RAPGEF2: variants seen among roughly 807,000 people sequenced by gnomAD.
The protein encoded by RAPGEF2 is PDZ domain containing guanine nucleotide exchange factor (GEF) 1.
A neutral mutation model predicts 186.7 loss-of-function variants in RAPGEF2; 54 were observed. The observed-to-expected ratio is 0.29, with a 90% CI of 0.23 to 0.36. The LOEUF is 0.36. Among genes scored for constraint, RAPGEF2 ranks in the 10% least tolerant of loss-of-function variants. The probability of loss-of-function intolerance (pLI) is 1.00; values close to 1 mark genes in which losing one functional copy is unlikely to be tolerated. For missense variants in RAPGEF2, 1,532 were observed against 2,045.0 expected, an observed-to-expected ratio of 0.75 and a Z score of 4.84; for synonymous variants, 712 against 705.9, an observed-to-expected ratio of 1.01 and a Z score of -0.14.
chr4:159,343,892 C>T, intron 22 of RAPGEF2, 144 bp from the exon 23 acceptor site: 2 of 703,048 alleles, frequency 2.8e-6, no homozygotes, highest in Admixed American at 2.7e-5. Flanking sequence ...AGTAAAGTTG[C>T]GTGTGTGAGG....
intron 22 of RAPGEF2, 34 bp downstream of exon 22, chr4:159,343,438 G>A (rs775573550): frequency 2.5e-6 from 4 of 1,599,248 alleles, no homozygotes. Context: ...ACGTGTGAGA[G>A]TAGAGAAGGT....
chr4:159,146,031 T>A (rs946858700), intron 1 of RAPGEF2, among the ~76,000 whole-genome samples: 1 of 151,962 alleles, frequency 6.6e-6, no homozygotes, highest in Non-Finnish European at 1.5e-5. Flanking sequence ...TGTAACAGTA[T>A]CTTTTTTTTT....
rs768381176 is a variant in RAPGEF2 at position 159,356,167 on chromosome 4, A to G, written c.4957+9A>G. 2.5e-5 allele frequency: 40 copies of G among 1,607,674 alleles called. No homozygotes were observed. Among genetic ancestry groups the G allele is most frequent in the Non-Finnish European group, 8.5e-7 (1 of 1,175,028 alleles). Reference sequence around the variant, plus strand: ...TTCCACCGAGGAGGATGGTATATGCACATAAATATTCCTAAAACCTCCAAG... The same window carrying G: ...TTCCACCGAGGAGGATGGTATATGCGCATAAATATTCCTAAAACCTCCAAG... On this transcript the variant is annotated intron_variant, in intron 29 of 29. Transcript: ENST00000691494.
In RAPGEF2 at chr4:159,322,372, G is replaced by T; in HGVS notation, c.879G>T (p.Gln293His). 6.2e-7 allele frequency: 1 copy of T among 1,613,910 alleles called. No individual in the cohort carries two copies. Residue 293 changes from glutamine to histidine, a missense_variant, in exon 10 of 30, where the codon CAG (glutamine) becomes CAT (histidine). This residue lies in a region of RAPGEF2 where 810 missense variants were observed against 1,210.5 expected (regional missense o/e 0.67). Transcript: ENST00000691494. ...AACAACTCTTGGAATTTATGCACCA[G>T]TTGCCTGCTTTTGCCAATATGACAA... ...DIEQLLEFMH[Q>H]LPAFANMTMS... is the part of the protein sequence containing the mutation.
At chr4:159,179,919 T>C (rs1746834713) in intron 1 of RAPGEF2, among the ~76,000 whole-genome samples, 1 of 152,206 alleles carries the variant, frequency 6.6e-6, no homozygotes, top group Admixed American at 6.5e-5. Context: ...ACAGTTCATG[T>C]GCAAGTTTTA....
chr4:159,200,203 C>T (rs1303982039), intron 3 of RAPGEF2, among the ~76,000 whole-genome samples: 1 of 152,190 alleles, frequency 6.6e-6, no homozygotes, highest in Non-Finnish European at 1.5e-5. Flanking sequence ...CACAGTGGCT[C>T]ATGCCTGTAA....
intron 1 of RAPGEF2, among the ~76,000 whole-genome samples, chr4:159,135,875 A>G (rs1284636595): frequency 6.6e-6 from 1 of 152,276 alleles, no homozygotes; most frequent in Non-Finnish European, 1.5e-5. Flanking sequence ...CTGGGATTAC[A>G]GGCGTGAGCC....
At chr4:159,305,647 A>T (rs1282217710) in intron 8 of RAPGEF2, among the ~76,000 whole-genome samples, 1 of 152,012 alleles carries the variant, frequency 6.6e-6, no homozygotes, top group African/African-American at 2.4e-5. Context: ...TCTGTTGATT[A>T]TTTCTTCTAC....
At chr4:159,348,242 A>AGATAGATAGATAGATGGATGGATGGATG (rs544061786) in intron 25 of RAPGEF2, among the ~76,000 whole-genome samples, 28 of 145,068 alleles carry the variant, frequency 1.9e-4, no homozygotes, top group African/African-American at 7.5e-4. Flanking sequence ...ATAGATAGAT[A>AGATAGATAGATAGATGGATGGATGGATG]GATGGATGGA....
intron 1 of RAPGEF2, among the ~76,000 whole-genome samples, chr4:159,117,997 A>G (rs13143315): frequency 0.18 from 27,309 of 151,994 alleles, 2,522 homozygotes; most frequent in Admixed American, 0.24. Flanking sequence ...AATTTTCACC[A>G]TGGGTGGGTA....
intron 7 of RAPGEF2, among the ~76,000 whole-genome samples, chr4:159,255,622 G>A (rs1328461211): frequency 6.6e-6 from 1 of 152,204 alleles, no homozygotes; most frequent in Non-Finnish European, 1.5e-5. Context: ...CTCCCTTGGT[G>A]AAAACTGAAA....
intron 8 of RAPGEF2, among the ~76,000 whole-genome samples, chr4:159,313,945 T>C (rs935286525): frequency 1.3e-5 from 2 of 152,042 alleles, no homozygotes; most frequent in African/African-American, 4.8e-5. Context: ...ACTTAGAAAA[T>C]TTGCAGGTAT....
At chr4:159,345,864 T>C (rs190251168) in intron 24 of RAPGEF2, among the ~76,000 whole-genome samples, 18 of 152,286 alleles carry the variant, frequency 1.2e-4, no homozygotes, top group Admixed American at 5.9e-4. Context: ...TTTTTTTTTT[T>C]CTAAATCTGC....
At chr4:159,322,199 T>TC in intron 9 of RAPGEF2, 148 bp from the exon 10 acceptor site, 4 of 587,966 alleles carry the variant, frequency 6.8e-6, no homozygotes, top group Non-Finnish European at 1.1e-5. Context: ...TGCAAGAAAT[T>TC]CAGCTGGTGC....
chr4:159,281,671 CAAAAAAAAAAAAA>C (rs11346544), intron 7 of RAPGEF2, among the ~76,000 whole-genome samples: 1 of 85,194 alleles, frequency 1.2e-5, no homozygotes, highest in Non-Finnish European at 2.3e-5. Flanking sequence ...AACTTGATTT[CAAAAAAAAAAAAA>C]AAAAAAGAAA....
chr4:159,328,632 G>C (rs187310753), intron 11 of RAPGEF2: 13 of 152,260 alleles, frequency 8.5e-5, no homozygotes, highest in African/African-American at 2.9e-4. Context: ...GCATTGCTCA[G>C]AAATAATATT....
At chr4:159,241,592 A>G (rs1754013551) in intron 6 of RAPGEF2, among the ~76,000 whole-genome samples, 1 of 150,170 alleles carries the variant, frequency 6.7e-6, no homozygotes, top group Non-Finnish European at 1.5e-5. Context: ...GAAAGAGTAG[A>G]TTTTTCTGGG....
intron 1 of RAPGEF2, among the ~76,000 whole-genome samples, chr4:159,166,600 G>T (rs1745346793): frequency 6.6e-6 from 1 of 152,148 alleles, no homozygotes; most frequent in Non-Finnish European, 1.5e-5. Flanking sequence ...CAGAATTCCA[G>T]AATCCAGTTT....
chr4:159,201,431 C>T lies in RAPGEF2; in HGVS notation c.197+8175C>T, dbSNP rs532107001. ...CTATTATGGTTGAAAGAGGTTTGGA[C>T]GCCTTGAAATCCCAAGGGCTCTTGA... On this transcript the variant is annotated intron_variant, in intron 3 of 29. Transcript: ENST00000691494. Among the ~76,000 whole-genome samples, 24 of 152,270 alleles carry T rather than the reference C, an allele frequency of 1.6e-4. No homozygotes were observed. In the South Asian group the frequency reaches 4.1e-3, roughly 26 times the overall value.
Sources: allele counts gnomAD v4.1 joint callset (sites outside exome capture counted in the v4.1 genomes callset), GRCh38; gene constraint gnomAD v4.1.1; regional missense constraint gnomAD v4.1.1; transcripts MANE v1.5; gene names NCBI Gene and HGNC (gene_info 2026-07-23, HGNC 2026-07-21).